The following STIMATE variants were observed in gnomAD, a reference collection of about 807,000 sequenced individuals.
The protein encoded by STIMATE is store-operated calcium entry regulator STIMATE.
STIMATE carries 15 observed loss-of-function variants against 36.7 expected under a neutral mutation model. That is an observed-to-expected ratio of 0.41 (90% CI 0.27 to 0.63). The LOEUF is 0.63. STIMATE is among the 20% of genes least tolerant of loss of function. The probability of loss-of-function intolerance (pLI) is 0.32; values close to 1 mark genes in which losing one functional copy is unlikely to be tolerated. For synonymous variants in STIMATE, 163 were observed against 162.3 expected (o/e 1.00, Z -0.03); for missense variants, 305 against 397.3 (o/e 0.77, Z 1.98).
At chr3:52,884,541 C>T (rs916122677) in intron 1 of STIMATE, among the ~76,000 whole-genome samples, 2 of 152,180 alleles carry the variant, frequency 1.3e-5, no homozygotes, top group African/African-American at 2.4e-5. Context: ...CTACCGCGCC[C>T]GCCCAAAAAG....
At chr3:52,888,005 T>TTTTTTTTTTG (rs1701721006) in intron 1 of STIMATE, among the ~76,000 whole-genome samples, 2 of 136,800 alleles carry the variant, frequency 1.5e-5, no homozygotes, top group African/African-American at 5.4e-5. Flanking sequence ...TTTTTTTTTT[T>TTTTTTTTTTG]TTTTTTTTTT....
intron 1 of STIMATE, among the ~76,000 whole-genome samples, chr3:52,855,756 GC>G (rs1178340625): frequency 1.3e-5 from 2 of 152,186 alleles, no homozygotes; most frequent in African/African-American, 4.8e-5. Flanking sequence ...AAAGCGGAAC[GC>G]AGCTGCTTCT....
intron 1 of STIMATE, chr3:52,895,992 A>C (rs760754049): frequency 3.3e-4 from 419 of 1,274,784 alleles, no homozygotes; most frequent in Non-Finnish European, 4.0e-4. Context: ...AGCAGAGAAA[A>C]AGCAAGGCAA....
intron 1 of STIMATE, among the ~76,000 whole-genome samples, chr3:52,879,305 G>C (rs1701563109): frequency 6.6e-6 from 1 of 152,166 alleles, no homozygotes; most frequent in African/African-American, 2.4e-5. Flanking sequence ...AGCAGCCAAG[G>C]CAGCCTTTGA....
chr3:52,853,695 C>T (rs1701047779), intron 2 of STIMATE, among the ~76,000 whole-genome samples: 1 of 152,206 alleles, frequency 6.6e-6, no homozygotes. Flanking sequence ...GGGAGTCACA[C>T]ATTCTAAAGT....
intron 4 of STIMATE, among the ~76,000 whole-genome samples, chr3:52,848,778 T>A (rs932217512): frequency 8.5e-5 from 13 of 152,284 alleles, no homozygotes. Context: ...ACTCAATGAC[T>A]CGCAGCTTCT....
chr3:52,855,816 C>A (rs977901390), intron 1 of STIMATE, among the ~76,000 whole-genome samples: 1 of 152,204 alleles, frequency 6.6e-6, no homozygotes, highest in Non-Finnish European at 1.5e-5. Flanking sequence ...TCAACTCAAA[C>A]GTTTACTGAG....
chr3:52,841,954 C>G (rs1398933862), intron 7 of STIMATE, among the ~76,000 whole-genome samples: 1 of 152,194 alleles, frequency 6.6e-6, no homozygotes, highest in East Asian at 1.9e-4. Context: ...AGACAAGCAC[C>G]TAGAGAAGAC....
Position 52,897,404 on chromosome 3 carries a change from G to C in STIMATE, c.47C>G (p.Pro16Arg). Reference protein sequence around the residue: ...GNASRGLPGGPPSTVASGAGR... With the variant: ...GNASRGLPGGRPSTVASGAGR... ...CGCCCCGGACGCGACTGTGGAGGGC[G>C]GCCCGCCTGGCAGTCCCCGGCTCGC... The change falls in exon 1 of 8, where the codon CCG becomes CGG. Residue 16 changes from proline to arginine, a missense_variant. Around this residue, in one of 3 missense-constraint regions of STIMATE, gnomAD observed 57 missense variants for 57.1 expected, o/e 1.00. Coordinates refer to ENST00000355083, the MANE Select transcript of STIMATE (RefSeq NM_198563.5). 6.8e-7 allele frequency: 1 copy of C among 1,480,862 alleles called. No homozygotes were observed. The highest frequency in any genetic ancestry group is 8.9e-7 in the Non-Finnish European group (1 of 1,122,726). 91.7% of individuals were successfully genotyped at this position (1,480,862 alleles called of 1,614,324 possible). A position where few individuals can be genotyped will look rare whatever the true frequency, so the allele number is the denominator to read the frequency against.
At chr3:52,849,663 C>T in intron 4 of STIMATE, 129 bp downstream of exon 4, 1 of 1,452,618 alleles carries the variant, frequency 6.9e-7, no homozygotes, top group Non-Finnish European at 9.1e-7. Flanking sequence ...GCCCCCTCTA[C>T]CACACAGAGA....
At chr3:52,879,666 A>G (rs1396024504) in intron 1 of STIMATE, among the ~76,000 whole-genome samples, 3 of 152,176 alleles carry the variant, frequency 2.0e-5, no homozygotes, top group Non-Finnish European at 4.4e-5. Context: ...TCATCTCTCT[A>G]CTTAGATCTC....
intron 1 of STIMATE, among the ~76,000 whole-genome samples, chr3:52,889,897 G>C (rs908617071): frequency 6.6e-6 from 1 of 152,156 alleles, no homozygotes; most frequent in African/African-American, 2.4e-5. Flanking sequence ...AAATGCACCC[G>C]TAAAAGAGGC....
intron 4 of STIMATE, chr3:52,847,357 A>G: frequency 5.7e-6 from 7 of 1,225,678 alleles, no homozygotes; most frequent in Non-Finnish European, 7.3e-6. Flanking sequence ...CAAAAGGGAG[A>G]GTTTGGCCAG....
intron 1 of STIMATE, among the ~76,000 whole-genome samples, chr3:52,889,852 T>C (rs1175956587): frequency 6.6e-6 from 1 of 152,238 alleles, no homozygotes; most frequent in Non-Finnish European, 1.5e-5. Context: ...CAGCAGACCC[T>C]GACTTGACAC....
chr3:52,849,297 C>T (rs1421848101), intron 4 of STIMATE, among the ~76,000 whole-genome samples: 1 of 152,174 alleles, frequency 6.6e-6, no homozygotes, highest in Non-Finnish European at 1.5e-5. Context: ...GGAAGGTGCC[C>T]TCCAGTACCA....
chr3:52,897,219 A>T, intron 1 of STIMATE, 72 bp downstream of exon 1: 3 of 1,502,902 alleles, frequency 2.0e-6, no homozygotes, highest in Non-Finnish European at 2.7e-6. Flanking sequence ...TCCGCGCAGG[A>T]GGGGCCCCCA....
chr3:52,871,548 T>C (rs1701407737), intron 1 of STIMATE, among the ~76,000 whole-genome samples: 1 of 152,126 alleles, frequency 6.6e-6, no homozygotes, highest in East Asian at 1.9e-4. Flanking sequence ...TGTCACTCTT[T>C]TCCACAAAAG....
chr3:52,842,348 G>A (rs958513173), intron 7 of STIMATE, among the ~76,000 whole-genome samples: 2 of 152,230 alleles, frequency 1.3e-5, no homozygotes, highest in Admixed American at 1.3e-4. Flanking sequence ...ATAAGGGGGG[G>A]ATGAGTTTCC....
chr3:52,837,154 C>T lies in STIMATE; in HGVS notation c.*3340G>A, dbSNP rs531264867. 2 of 153,420 alleles carry T rather than the reference C, an allele frequency of 1.3e-5. No homozygotes were observed. The highest frequency in any genetic ancestry group is 4.8e-5 in the African/African-American group (2 of 41,598). 9.5% of individuals were successfully genotyped at this position (153,420 alleles called of 1,614,324 possible). On this transcript the variant is annotated 3_prime_UTR_variant, in exon 8 of 8. Transcript: ENST00000355083. ...ACATTCTACAAGGCAGCTGCTCTGG[C>T]CAGTGGGAAGCTCCTTGCACTGCCT...
Sources: allele counts gnomAD v4.1 joint callset (sites outside exome capture counted in the v4.1 genomes callset), GRCh38; gene constraint gnomAD v4.1.1; regional missense constraint gnomAD v4.1.1; transcripts MANE v1.5; gene names NCBI Gene and HGNC (gene_info 2026-07-23, HGNC 2026-07-21).